The following HOOK3 variants were observed in gnomAD, a reference collection of about 807,000 sequenced individuals.
HOOK3 encodes the protein protein Hook homolog 3.
HOOK3 carries 24 observed loss-of-function variants against 116.3 expected under a neutral mutation model. The observed-to-expected ratio is 0.21, with a 90% CI of 0.15 to 0.29. The LOEUF is 0.29. HOOK3 is among the 10% of genes least tolerant of loss of function. The pLI is 1.00. For missense variants in HOOK3, 632 were observed against 830.2 expected (o/e 0.76, Z 2.93); for synonymous variants, 275 against 283.0 (o/e 0.97, Z 0.28).
intron 4 of HOOK3, among the ~76,000 whole-genome samples, chr8:42,934,257 T>C (rs1169762521): frequency 6.6e-6 from 1 of 152,144 alleles, no homozygotes. Flanking sequence ...AATTTTTTCA[T>C]TTCTGCTATC....
chr8:42,909,775 G>C (rs190675212), intron 2 of HOOK3, among the ~76,000 whole-genome samples: 1 of 152,216 alleles, frequency 6.6e-6, no homozygotes, highest in Admixed American at 6.5e-5. Context: ...CCCCAAAGAA[G>C]GAAATTCTGT....
chr8:43,030,137 G>C lies in HOOK3; in HGVS notation c.*11639G>C, dbSNP rs11553961. 11 of 205,564 alleles carry C rather than the reference G, an allele frequency of 5.4e-5. No homozygotes were observed. Among genetic ancestry groups the C allele is most frequent in the Non-Finnish European group, 8.9e-5 (9 of 100,722 alleles). The allele number at this position is 205,564 out of a possible 1,614,324, so 12.7% of individuals were successfully genotyped here. A position where few individuals can be genotyped will look rare whatever the true frequency, so the allele number is the denominator to read the frequency against. ...CCAAGCATTTTTCCACCTGTTTACT[G>C]AGTTTTCCAACCATTTACTATGTGT... On this transcript the variant is annotated 3_prime_UTR_variant, in exon 22 of 22. Transcript: ENST00000307602.
At chr8:43,014,816 T>C (rs183582394) in intron 21 of HOOK3, among the ~76,000 whole-genome samples, 16 of 152,310 alleles carry the variant, frequency 1.1e-4, no homozygotes, top group African/African-American at 3.4e-4. Context: ...TTTCATTATA[T>C]ATTATTTTCA....
intron 5 of HOOK3, among the ~76,000 whole-genome samples, chr8:42,949,983 A>C (rs1172979340): frequency 6.6e-6 from 1 of 152,162 alleles, no homozygotes; most frequent in Admixed American, 6.6e-5. Flanking sequence ...AAAATAAAGC[A>C]CAGAGTTCAA....
chr8:43,014,099 A>G (rs1444956026), intron 21 of HOOK3, among the ~76,000 whole-genome samples: 2 of 151,946 alleles, frequency 1.3e-5, no homozygotes, highest in Admixed American at 6.6e-5. Flanking sequence ...CAGCCTGGAC[A>G]ACGTGGTGAA....
intron 6 of HOOK3, 54 bp from the exon 7 acceptor site, chr8:42,957,040 A>G (rs1386700605): frequency 1.0e-6 from 1 of 957,518 alleles, no homozygotes; most frequent in Non-Finnish European, 1.6e-6. Context: ...TAAGTATTTT[A>G]TGTAGAATGT....
At chr8:42,943,254 T>C in intron 4 of HOOK3, 59 bp from the exon 5 acceptor site, 1 of 1,128,772 alleles carries the variant, frequency 8.9e-7, no homozygotes, top group Non-Finnish European at 1.2e-6. Flanking sequence ...CGATCAAGTT[T>C]TTTTTTTTTT....
At chr8:42,906,929 T>C (rs572463030) in intron 2 of HOOK3, among the ~76,000 whole-genome samples, 2 of 152,328 alleles carry the variant, frequency 1.3e-5, no homozygotes, top group South Asian at 4.1e-4. Flanking sequence ...TAATATGCAT[T>C]GTGGGTGTTT....
intron 16 of HOOK3, chr8:43,001,196 G>A (rs1221191388): frequency 6.6e-6 from 1 of 151,892 alleles, no homozygotes; most frequent in Non-Finnish European, 1.5e-5. Flanking sequence ...TGGATCTACT[G>A]AGGTAACTAT....
intron 21 of HOOK3, 43 bp downstream of exon 21, chr8:43,013,443 A>T: frequency 6.9e-7 from 1 of 1,445,460 alleles, no homozygotes; most frequent in South Asian, 1.3e-5. Context: ...ACTTCAATGA[A>T]TATGTAATAC....
chr8:42,913,123 T>C (rs2130335880), intron 2 of HOOK3, among the ~76,000 whole-genome samples: 1 of 152,280 alleles, frequency 6.6e-6, no homozygotes, highest in South Asian at 2.1e-4. Context: ...TTCAGCTTTA[T>C]TGAGATGAAA....
intron 15 of HOOK3, among the ~76,000 whole-genome samples, chr8:42,996,692 A>ACC (rs1809275680): frequency 6.6e-6 from 1 of 151,612 alleles, no homozygotes; most frequent in South Asian, 2.1e-4. Context: ...TCTCCTTTCC[A>ACC]CCCTTAACTC....
At chr8:43,018,329 T>C (rs746337242) in intron 21 of HOOK3, 29 bp from the exon 22 acceptor site, 1 of 1,548,564 alleles carries the variant, frequency 6.5e-7, no homozygotes, top group Non-Finnish European at 8.7e-7. Flanking sequence ...ATTTTTTCAT[T>C]GATTCCTTTT....
chr8:42,940,509 GGGACA>G (rs1381830058), intron 4 of HOOK3, among the ~76,000 whole-genome samples: 3 of 152,100 alleles, frequency 2.0e-5, no homozygotes, highest in African/African-American at 7.2e-5. Context: ...GACAGGGACA[GGGACA>G]GGGACAGGGA....
At chr8:42,912,924 C>T (rs75903654) in intron 2 of HOOK3, among the ~76,000 whole-genome samples, 9 of 152,312 alleles carry the variant, frequency 5.9e-5, no homozygotes, top group Admixed American at 2.0e-4. Flanking sequence ...TCTCCAAACC[C>T]GGGAAACCCT....
intron 9 of HOOK3, among the ~76,000 whole-genome samples, chr8:42,965,205 A>G (rs919564035): frequency 6.6e-6 from 1 of 152,272 alleles, no homozygotes; most frequent in Non-Finnish European, 1.5e-5. Flanking sequence ...AGAGCAGACC[A>G]TAAACCACAG....
At chr8:42,913,503 A>G (rs1374092047) in intron 2 of HOOK3, among the ~76,000 whole-genome samples, 1 of 152,238 alleles carries the variant, frequency 6.6e-6, no homozygotes, top group Non-Finnish European at 1.5e-5. Context: ...CACAATTTAC[A>G]TATCCATTCA....
intron 4 of HOOK3, among the ~76,000 whole-genome samples, chr8:42,938,217 C>CTTTTTTTTTTTTTTTTT (rs145868661): frequency 3.8e-5 from 5 of 132,288 alleles, no homozygotes; most frequent in Admixed American, 7.5e-5. Flanking sequence ...GCAACCCCTG[C>CTTTTTTTTTTTTTTTTT]TTTTTTTTTT....
rs879696564 is a variant in HOOK3, at chr8:42,902,276, C to CT, written c.58-3884dup. On this transcript the variant is annotated intron_variant, in intron 1 of 21. Transcript: ENST00000307602. Reference sequence around the variant, plus strand: ...AAATGTGTATTCTCTCTCTCTCTCTCTTTTTTTTTTTTTAAGACAGGGTCT... The same window carrying CT: ...AAATGTGTATTCTCTCTCTCTCTCTCTTTTTTTTTTTTTTAAGACAGGGTCT... 4.4e-3 allele frequency among the ~76,000 whole-genome samples: 627 copies of CT among 143,696 alleles called. 1 individual carries two copies. Among genetic ancestry groups the CT allele is most frequent in the East Asian group, 9.5e-3 (47 of 4,962 alleles). 94.3% of individuals were successfully genotyped at this position (143,696 alleles called of 152,430 possible).
Sources: allele counts gnomAD v4.1 joint callset (sites outside exome capture counted in the v4.1 genomes callset), GRCh38; gene constraint gnomAD v4.1.1; transcripts MANE v1.5; gene names NCBI Gene and HGNC (gene_info 2026-07-23, HGNC 2026-07-21).